The following RSRC1 variants were observed in gnomAD, a reference collection of about 807,000 sequenced individuals.
RSRC1 encodes serine/Arginine-related protein 53.
In RSRC1, 39 loss-of-function variants were observed where a neutral mutation model predicts 49.1. The observed-to-expected ratio is 0.79, with a 90% CI of 0.61 to 1.04. RSRC1 has a LOEUF of 1.04. RSRC1 is among the 50% of genes least tolerant of loss of function. The pLI is 0.00. For missense variants in RSRC1, 388 were observed against 402.4 expected, an observed-to-expected ratio of 0.96 and a Z score of 0.31; for synonymous variants, 143 against 130.8, an observed-to-expected ratio of 1.09 and a Z score of -0.63.
chr3:158,308,325 G>A (rs1489130282), intron 5 of RSRC1, among the ~76,000 whole-genome samples: 1 of 151,938 alleles, frequency 6.6e-6, no homozygotes, highest in Non-Finnish European at 1.5e-5. Context: ...TGCCCCATTA[G>A]ATGAAAGCAG....
chr3:158,473,042 G>A (rs908915223), intron 7 of RSRC1, among the ~76,000 whole-genome samples: 7 of 152,068 alleles, frequency 4.6e-5, no homozygotes, highest in Non-Finnish European at 1.0e-4. Context: ...GTGGAGAAAT[G>A]GGAACACTTT....
At chr3:158,252,337 A>ATT (rs35417241) in intron 4 of RSRC1, among the ~76,000 whole-genome samples, 2 of 150,404 alleles carry the variant, frequency 1.3e-5, no homozygotes, top group African/African-American at 4.9e-5. Context: ...AATTTTTTGT[A>ATT]TTTTTTTTAA....
At chr3:158,152,576 A>G (rs1415361648) in intron 3 of RSRC1, among the ~76,000 whole-genome samples, 1 of 152,164 alleles carries the variant, frequency 6.6e-6, no homozygotes. Flanking sequence ...TCCCATCAGT[A>G]TTCTCTTGGA....
At chr3:158,330,470 T>A (rs1041838267) in intron 5 of RSRC1, among the ~76,000 whole-genome samples, 1 of 152,210 alleles carries the variant, frequency 6.6e-6, no homozygotes, top group African/African-American at 2.4e-5. Context: ...TTAAATGTTC[T>A]TAATATATAG....
At chr3:158,469,861 A>C (rs543028532) in intron 7 of RSRC1, 1 of 152,132 alleles carries the variant, frequency 6.6e-6, no homozygotes, top group Non-Finnish European at 1.5e-5. Flanking sequence ...GTGAAATTCA[A>C]GTATTCTTTG....
intron 5 of RSRC1, among the ~76,000 whole-genome samples, chr3:158,307,378 G>A (rs573165949): frequency 4.2e-4 from 64 of 151,830 alleles, no homozygotes; most frequent in Non-Finnish European, 5.6e-4. Context: ...AAAAATCTTC[G>A]AATGCTTAGC....
intron 6 of RSRC1, among the ~76,000 whole-genome samples, chr3:158,370,411 A>G (rs567806535): frequency 2.0e-4 from 31 of 152,080 alleles, no homozygotes; most frequent in African/African-American, 6.3e-4. Context: ...TTTGAAGTCA[A>G]TTCTCTCTCC....
chr3:158,165,591 C>G (rs928409591), intron 3 of RSRC1, among the ~76,000 whole-genome samples: 1 of 152,226 alleles, frequency 6.6e-6, no homozygotes, highest in African/African-American at 2.4e-5. Flanking sequence ...AGCTTAAATG[C>G]ATTTTCTTGT....
intron 4 of RSRC1, among the ~76,000 whole-genome samples, chr3:158,228,993 C>T (rs1722718029): frequency 9.0e-6 from 1 of 111,546 alleles, no homozygotes; most frequent in Non-Finnish European, 1.8e-5. Flanking sequence ...AACACACATA[C>T]GTGTATATGT....
intron 6 of RSRC1, among the ~76,000 whole-genome samples, chr3:158,422,741 T>C (rs536798374): frequency 7.8e-4 from 118 of 150,562 alleles, no homozygotes; most frequent in African/African-American, 2.8e-3. Flanking sequence ...GCACCTGTTG[T>C]TTCCTGACTT....
intron 6 of RSRC1, among the ~76,000 whole-genome samples, chr3:158,425,464 T>C (rs975195566): frequency 3.3e-5 from 5 of 152,114 alleles, no homozygotes; most frequent in Non-Finnish European, 2.9e-5. Flanking sequence ...ATAATTTCTG[T>C]TCTTTTACAT....
chr3:158,290,931 CACCTGTA>C (rs1247160067), intron 4 of RSRC1, among the ~76,000 whole-genome samples: 5 of 152,314 alleles, frequency 3.3e-5, no homozygotes, highest in Non-Finnish European at 7.4e-5. Context: ...CGGTGGCTCA[CACCTGTA>C]ATTCCAGTTC....
intron 4 of RSRC1, among the ~76,000 whole-genome samples, chr3:158,259,575 C>A (rs2108031574): frequency 6.6e-6 from 1 of 152,294 alleles, no homozygotes; most frequent in South Asian, 2.1e-4. Flanking sequence ...TGATCACTGT[C>A]TGGCTACTGC....
chr3:158,423,828 C>T (rs2108343484), intron 6 of RSRC1, among the ~76,000 whole-genome samples: 1 of 151,896 alleles, frequency 6.6e-6, no homozygotes, highest in Non-Finnish European at 1.5e-5. Flanking sequence ...ATTTTATTCT[C>T]TTTGAAGCAA....
chr3:158,251,509 G>A (rs946892791), intron 4 of RSRC1, among the ~76,000 whole-genome samples: 1 of 151,950 alleles, frequency 6.6e-6, no homozygotes, highest in Non-Finnish European at 1.5e-5. Flanking sequence ...ATATTTTATA[G>A]TGTTCATTAT....
chr3:158,229,478 T>G (rs1722830868), intron 4 of RSRC1, among the ~76,000 whole-genome samples: 1 of 150,374 alleles, frequency 6.7e-6, no homozygotes, highest in African/African-American at 2.4e-5. Flanking sequence ...ATAATTATAT[T>G]CACAAACACA....
At chr3:158,276,188 A>C in intron 4 of RSRC1, 1 of 828,920 alleles carries the variant, frequency 1.2e-6, no homozygotes, top group South Asian at 1.3e-5. Context: ...CATATGTTGC[A>C]CCCTTAGGAA....
intron 3 of RSRC1, among the ~76,000 whole-genome samples, chr3:158,135,266 A>C (rs753925549): frequency 7.9e-6 from 1 of 127,054 alleles, no homozygotes; most frequent in African/African-American, 3.2e-5. Context: ...TCCAAATTAT[A>C]GTGTAATTTT....
chr3:158,501,347 G>A (rs1739581078), intron 7 of RSRC1, among the ~76,000 whole-genome samples: 1 of 152,128 alleles, frequency 6.6e-6, no homozygotes, highest in Non-Finnish European at 1.5e-5. Flanking sequence ...GTTGTTGGTT[G>A]AAATGTTCCG....
Sources: allele counts gnomAD v4.1 joint callset (sites outside exome capture counted in the v4.1 genomes callset), GRCh38; gene constraint gnomAD v4.1.1; transcripts MANE v1.5; gene names NCBI Gene and HGNC (gene_info 2026-07-23, HGNC 2026-07-21).